The following NELL2 variants were observed in gnomAD, a reference collection of about 807,000 sequenced individuals.
NELL2 encodes the protein neural EGFL like 2.
Under a neutral mutation model 109.6 loss-of-function variants are expected in NELL2, and 41 were observed. The ratio of observed to expected loss-of-function variants is 0.37; its 90% CI spans 0.29 to 0.49. The LOEUF (loss-of-function observed/expected upper bound fraction) is 0.49. NELL2 is among the 20% of genes least tolerant of loss of function. The probability of loss-of-function intolerance (pLI) is 0.98; values close to 1 mark genes in which losing one functional copy is unlikely to be tolerated. For synonymous variants in NELL2, 355 were observed against 344.7 expected (o/e 1.03, Z -0.33); for missense variants, 900 against 1,008.3 (o/e 0.89, Z 1.45).
At chr12:44,597,431 A>G (rs1274174775) in intron 15 of NELL2, among the ~76,000 whole-genome samples, 1 of 152,208 alleles carries the variant, frequency 6.6e-6, no homozygotes, top group Non-Finnish European at 1.5e-5. Flanking sequence ...TTATAAAATA[A>G]GTAACGTAGA....
At chr12:44,884,619 A>G (rs1292372065) in intron 1 of NELL2, among the ~76,000 whole-genome samples, 5 of 152,028 alleles carry the variant, frequency 3.3e-5, no homozygotes. Flanking sequence ...CTCTAAATTT[A>G]CCTTTGGAAC....
At chr12:44,809,862 T>C (rs948384271) in intron 3 of NELL2, among the ~76,000 whole-genome samples, 2 of 152,058 alleles carry the variant, frequency 1.3e-5, no homozygotes, top group African/African-American at 4.8e-5. Context: ...TTAATCCATA[T>C]GTCCAAACCA....
At chr12:44,557,468 C>A (rs530004716) in intron 15 of NELL2, among the ~76,000 whole-genome samples, 1 of 151,836 alleles carries the variant, frequency 6.6e-6, no homozygotes, top group Non-Finnish European at 1.5e-5. Flanking sequence ...CTGAAGAGGA[C>A]AAATAAAGAT....
At chr12:44,778,871 C>G (rs1203067309) in intron 5 of NELL2, among the ~76,000 whole-genome samples, 2 of 152,098 alleles carry the variant, frequency 1.3e-5, no homozygotes, top group African/African-American at 2.4e-5. Flanking sequence ...CCCAAAACAC[C>G]TTTATAGAAT....
chr12:44,644,625 T>TATATATATATATATATAC (rs1455589223), intron 13 of NELL2, among the ~76,000 whole-genome samples: 1 of 98,754 alleles, frequency 1.0e-5, no homozygotes, highest in African/African-American at 3.9e-5. Flanking sequence ...TATATATATA[T>TATATATATATATATATAC]ACATACATAT....
At chr12:44,822,130 T>C (rs1943566188) in intron 2 of NELL2, among the ~76,000 whole-genome samples, 1 of 152,032 alleles carries the variant, frequency 6.6e-6, no homozygotes, top group Non-Finnish European at 1.5e-5. Context: ...GAATCCAATA[T>C]AGAAAAATAA....
chr12:44,716,229 AAAT>A (rs1276660214), intron 9 of NELL2, among the ~76,000 whole-genome samples: 2 of 152,194 alleles, frequency 1.3e-5, no homozygotes, highest in African/African-American at 2.4e-5. Flanking sequence ...TAAATTAATT[AAAT>A]AATGGAAACC....
intron 13 of NELL2, among the ~76,000 whole-genome samples, chr12:44,621,237 A>G (rs994489545): frequency 7.3e-5 from 11 of 151,380 alleles, no homozygotes; most frequent in African/African-American, 2.7e-4. Context: ...ATCACACAAA[A>G]CTCCTTCAGA....
rs1592509844 is a variant in NELL2, at chr12:44,776,133, C to T, written c.780G>A (p.Gln260=). Residue 260 remains glutamine, a synonymous_variant, in exon 8 of 20, where the codon CAG becomes CAA. Coordinates refer to ENST00000429094, the MANE Select transcript of NELL2 (RefSeq NM_001145108.2). ...KTSAKLSRAE[Q]RMNRLDQCYC... ...AGCACTGATCCAATCTATTCATTCG[C>T]TGTTCAGCTCGAGACAGCTGTGGCA... The T allele has an allele frequency of 6.2e-7, 1 of 1,613,790 alleles. No homozygotes were observed. The highest frequency in any genetic ancestry group is 8.5e-7 in the Non-Finnish European group (1 of 1,179,872).
rs57168113 is a variant in NELL2 at position 44,600,127 on chromosome 12, A to AATTTATTTATTT, written c.1663+7030_1663+7041dup. 4.0e-3 allele frequency among the ~76,000 whole-genome samples: 527 copies of AATTTATTTATTT among 132,204 alleles called. 1 individual carries two copies. The highest frequency in any genetic ancestry group is 0.014 in the Middle Eastern group (4 of 276). 86.7% of individuals were successfully genotyped at this position (132,204 alleles called of 152,430 possible). A position where few individuals can be genotyped will look rare whatever the true frequency, so the allele number is the denominator to read the frequency against. ...CAGGCGCCCGCCAGCACGCCCGGCT[A>AATTTATTTATTT]ATTTATTTATTTATTTATTTATTTA... On this transcript the variant is annotated intron_variant, in intron 15 of 19. Coordinates refer to ENST00000429094, the MANE Select transcript of NELL2 (RefSeq NM_001145108.2).
Position 44,514,875 on chromosome 12 carries a change from A to G in NELL2, c.2400+5130T>C, listed in dbSNP as rs570505129. ...CAAAAGCTATGGGGATAAAATCATAATGTTGCAAAGTTCTTATATTTTATA... is the reference window on the plus strand; with the variant it reads ...CAAAAGCTATGGGGATAAAATCATAGTGTTGCAAAGTTCTTATATTTTATA... On this transcript the variant is annotated intron_variant, in intron 19 of 19. Coordinates refer to ENST00000429094, the MANE Select transcript of NELL2 (RefSeq NM_001145108.2). Among the ~76,000 whole-genome samples the G allele has an allele frequency of 7.3e-5, 11 of 151,350 alleles. No homozygotes were observed. In the South Asian group the frequency reaches 2.3e-3, roughly 31 times the overall value.
intron 2 of NELL2, among the ~76,000 whole-genome samples, chr12:44,865,721 C>T (rs141318466): frequency 0.042 from 5,080 of 121,366 alleles, 231 homozygotes; most frequent in African/African-American, 0.11. Context: ...ATAGATGACA[C>T]GTTAGTGGGT....
intron 13 of NELL2, among the ~76,000 whole-genome samples, chr12:44,633,797 T>C (rs1206282580): frequency 6.6e-6 from 1 of 152,154 alleles, no homozygotes; most frequent in Non-Finnish European, 1.5e-5. Flanking sequence ...AACCTTTTTT[T>C]GGTGAAACAA....
intron 13 of NELL2, among the ~76,000 whole-genome samples, chr12:44,624,188 ACTTT>A (rs1049707424): frequency 1.3e-5 from 2 of 152,128 alleles, no homozygotes; most frequent in Middle Eastern, 3.4e-3. Flanking sequence ...TCTGATGCCA[ACTTT>A]CTTTACTTTC....
At chr12:44,785,225 T>C (rs1942118278) in intron 3 of NELL2, among the ~76,000 whole-genome samples, 1 of 152,220 alleles carries the variant, frequency 6.6e-6, no homozygotes, top group Non-Finnish European at 1.5e-5. Flanking sequence ...CAAGCATTCC[T>C]ATACACCAAT....
chr12:44,583,338 C>G (rs1944387078), intron 15 of NELL2, among the ~76,000 whole-genome samples: 1 of 152,204 alleles, frequency 6.6e-6, no homozygotes, highest in Admixed American at 6.5e-5. Context: ...ATTTTATTTT[C>G]CGTATAGTAC....
At chr12:44,597,755 A>G (rs1476177739) in intron 15 of NELL2, among the ~76,000 whole-genome samples, 1 of 152,204 alleles carries the variant, frequency 6.6e-6, no homozygotes, top group African/African-American at 2.4e-5. Context: ...CTCATACTCC[A>G]GTGGGAGGGA....
intron 15 of NELL2, among the ~76,000 whole-genome samples, chr12:44,544,398 C>T (rs749289499): frequency 3.3e-5 from 5 of 152,044 alleles, no homozygotes; most frequent in Non-Finnish European, 5.9e-5. Flanking sequence ...GAATTAAACC[C>T]TAACACACCC....
chr12:44,797,659 A>G (rs992964003), intron 3 of NELL2, among the ~76,000 whole-genome samples: 1 of 151,804 alleles, frequency 6.6e-6, no homozygotes, highest in African/African-American at 2.4e-5. Context: ...GAGGAAGAAA[A>G]TTAAAATCAT....
Sources: gnomAD v4.1 joint callset for allele counts (sites outside exome capture counted in the v4.1 genomes callset) on GRCh38, gnomAD v4.1.1 for gene constraint, MANE v1.5 for transcripts, NCBI Gene and HGNC (gene_info 2026-07-23, HGNC 2026-07-21) for gene names.